ROBO2: variants seen among roughly 807,000 people sequenced by gnomAD.
The protein encoded by ROBO2 is roundabout guidance receptor 2, also known as roundabout homolog 2.
In ROBO2, 53 loss-of-function variants were observed where a neutral mutation model predicts 160.8. The observed-to-expected ratio is 0.33, with a 90% confidence interval of 0.26 to 0.41. ROBO2 has a LOEUF of 0.41. Among genes scored for constraint, ROBO2 ranks in the 10% least tolerant of loss-of-function variants. The pLI is 1.00. For missense variants in ROBO2, 1,577 were observed against 1,722.4 expected (o/e 0.92, Z 1.49); for synonymous variants, 664 against 611.7 (o/e 1.09, Z -1.26).
chr3:76,431,885 A>G (rs903956374), intron 2 of ROBO2, among the ~76,000 whole-genome samples: 3 of 152,196 alleles, frequency 2.0e-5, no homozygotes, highest in African/African-American at 7.2e-5. Context: ...TATATGAACT[A>G]CATTAGTTTT....
At chr3:77,015,424 A>G (rs1052870764) in intron 2 of ROBO2, among the ~76,000 whole-genome samples, 1 of 152,164 alleles carries the variant, frequency 6.6e-6, no homozygotes, top group Non-Finnish European at 1.5e-5. Flanking sequence ...AGAACACTCC[A>G]TTTTTACTCT....
intron 2 of ROBO2, among the ~76,000 whole-genome samples, chr3:76,408,566 G>C (rs2075330660): frequency 6.6e-6 from 1 of 152,040 alleles, no homozygotes; most frequent in Non-Finnish European, 1.5e-5. Context: ...GTAAGAGAAA[G>C]AAATTAGAAT....
At chr3:77,484,134 T>G (rs1169972092) in intron 4 of ROBO2, among the ~76,000 whole-genome samples, 1 of 152,038 alleles carries the variant, frequency 6.6e-6, no homozygotes. Flanking sequence ...AATAACATCC[T>G]AATTAACTGG....
intron 2 of ROBO2, among the ~76,000 whole-genome samples, chr3:76,062,227 T>G (rs1344395037): frequency 1.3e-5 from 2 of 152,190 alleles, no homozygotes; most frequent in African/African-American, 4.8e-5. Context: ...AAGGCATAAC[T>G]GATTTTTGGG....
chr3:77,009,028 G>T, intron 2 of ROBO2, among the ~76,000 whole-genome samples: 1 of 152,092 alleles, frequency 6.6e-6, no homozygotes, highest in East Asian at 1.9e-4. Flanking sequence ...CAACAGTCAG[G>T]ATACTGAAGC....
rs767988628 is a variant in ROBO2, at chr3:76,811,775, CTCCTTCCTTCCTTCCT to C, written c.110-286192_110-286177del. On this transcript the variant is annotated intron_variant, in intron 2 of 26. Transcript: ENST00000487694. ...TGCTTAATTACCTTTCTCTCTTTCC[CTCCTTCCTTCCTTCCT>C]TCCTTCCTTCCTTCCTTCCTTCCTT... Among the ~76,000 whole-genome samples the C allele has an allele frequency of 7.9e-4, 77 of 96,944 alleles. 1 individual carries two copies. Among genetic ancestry groups the C allele is most frequent in the African/African-American group, 2.0e-3 (48 of 24,006 alleles). 63.6% of individuals were successfully genotyped at this position (96,944 alleles called of 152,430 possible).
At chr3:76,266,053 G>A (rs1707082762) in intron 2 of ROBO2, among the ~76,000 whole-genome samples, 1 of 152,122 alleles carries the variant, frequency 6.6e-6, no homozygotes, top group Non-Finnish European at 1.5e-5. Context: ...GATAAAATGT[G>A]AAGGAAATAC....
At chr3:76,194,309 C>T (rs1044666600) in intron 2 of ROBO2, among the ~76,000 whole-genome samples, 1 of 141,610 alleles carries the variant, frequency 7.1e-6, no homozygotes, top group Non-Finnish European at 1.5e-5. Context: ...AATCTCTCCT[C>T]TCTTTTTATG....
chr3:77,041,668 G>A (rs547653662), intron 1 of ROBO2, among the ~76,000 whole-genome samples: 1 of 152,266 alleles, frequency 6.6e-6, no homozygotes, highest in South Asian at 2.1e-4. Flanking sequence ...TTTGAATGAA[G>A]AGTGGAAATA....
intron 2 of ROBO2, among the ~76,000 whole-genome samples, chr3:76,204,446 A>G (rs1702704744): frequency 6.6e-6 from 1 of 152,184 alleles, no homozygotes; most frequent in Admixed American, 6.6e-5. Context: ...ATGGAATCAC[A>G]CATACTATTA....
intron 2 of ROBO2, among the ~76,000 whole-genome samples, chr3:76,736,111 G>A (rs2093707038): frequency 1.3e-5 from 2 of 151,042 alleles, no homozygotes; most frequent in Admixed American, 6.6e-5. Context: ...GTGAAACCCC[G>A]TCTCTACTAA....
chr3:77,518,471 A>C (rs1339919322), intron 5 of ROBO2, among the ~76,000 whole-genome samples: 1 of 151,482 alleles, frequency 6.6e-6, no homozygotes, highest in Non-Finnish European at 1.5e-5. Flanking sequence ...TTTGTTTTTA[A>C]ATTACAACAT....
At chr3:77,544,456 C>T (rs1384634402) in intron 6 of ROBO2, among the ~76,000 whole-genome samples, 1 of 151,976 alleles carries the variant, frequency 6.6e-6, no homozygotes, top group Non-Finnish European at 1.5e-5. Context: ...TAGATTTATC[C>T]CATCTGTCCC....
intron 2 of ROBO2, among the ~76,000 whole-genome samples, chr3:77,175,512 G>T (rs2080064825): frequency 6.6e-6 from 1 of 151,974 alleles, no homozygotes; most frequent in East Asian, 1.9e-4. Context: ...AAGTGATATT[G>T]TTGGATCTAC....
At chr3:76,978,947 A>T (rs138315992) in intron 2 of ROBO2, among the ~76,000 whole-genome samples, 3,563 of 143,584 alleles carry the variant, frequency 0.025, 59 homozygotes, top group Middle Eastern at 0.056. Context: ...TGTTTTTTAA[A>T]AAAAAAAAAA....
intron 2 of ROBO2, among the ~76,000 whole-genome samples, chr3:76,758,996 A>G (rs901244079): frequency 9.9e-5 from 15 of 151,928 alleles, no homozygotes; most frequent in Admixed American, 6.6e-5. Context: ...AATAGATGTC[A>G]TGTCAACATA....
At chr3:77,441,501 T>TA (rs1262069804) in intron 2 of ROBO2, among the ~76,000 whole-genome samples, 3 of 152,114 alleles carry the variant, frequency 2.0e-5, no homozygotes, top group Non-Finnish European at 2.9e-5. Flanking sequence ...AAACGTTACT[T>TA]AAAAATCCTT....
chr3:76,996,018 T>A (rs982980844), intron 2 of ROBO2, among the ~76,000 whole-genome samples: 6 of 152,196 alleles, frequency 3.9e-5, no homozygotes, highest in African/African-American at 1.4e-4. Flanking sequence ...AGACATGAAG[T>A]CCTTGCCCAT....
At chr3:77,191,735 C>T (rs991385281) in intron 2 of ROBO2, among the ~76,000 whole-genome samples, 1 of 152,148 alleles carries the variant, frequency 6.6e-6, no homozygotes, top group Non-Finnish European at 1.5e-5. Flanking sequence ...GGTTCTCCTG[C>T]TGGGAAAACA....
Sources: allele counts gnomAD v4.1 joint callset (sites outside exome capture counted in the v4.1 genomes callset), GRCh38; gene constraint gnomAD v4.1.1; transcripts MANE v1.5; gene names NCBI Gene and HGNC (gene_info 2026-07-23, HGNC 2026-07-21).